TENM4: variants seen among roughly 807,000 people sequenced by gnomAD.
The protein encoded by TENM4 is teneurin-4.
TENM4 carries 82 observed loss-of-function variants against 243.3 expected under a neutral mutation model. The ratio of observed to expected loss-of-function variants is 0.34; its 90% CI spans 0.28 to 0.40. TENM4 has a LOEUF of 0.40. Among genes scored for constraint, TENM4 ranks in the 10% least tolerant of loss-of-function variants. The probability of loss-of-function intolerance (pLI) is 1.00; values close to 1 mark genes in which losing one functional copy is unlikely to be tolerated. For synonymous variants in TENM4, 1,412 were observed against 1,456.3 expected (o/e 0.97, Z 0.69); for missense variants, 3,138 against 3,673.3 (o/e 0.85, Z 3.77).
At chr11:79,263,352 G>C (rs1855830740) in intron 2 of TENM4, among the ~76,000 whole-genome samples, 1 of 152,236 alleles carries the variant, frequency 6.6e-6, no homozygotes, top group African/African-American at 2.4e-5. Flanking sequence ...TGTAAGTCAA[G>C]GGGGAGTCTG....
At chr11:79,104,378 C>T (rs1861309937) in intron 4 of TENM4, among the ~76,000 whole-genome samples, 1 of 152,220 alleles carries the variant, frequency 6.6e-6, no homozygotes, top group Non-Finnish European at 1.5e-5. Flanking sequence ...CATCTTAGCG[C>T]ATAGCTATCC....
intron 15 of TENM4, among the ~76,000 whole-genome samples, chr11:78,799,663 C>T (rs554750998): frequency 6.6e-6 from 1 of 152,358 alleles, no homozygotes; most frequent in South Asian, 2.1e-4. Flanking sequence ...AAATTTCATG[C>T]AATTCTTGCT....
At chr11:79,231,559 T>C (rs931870236) in intron 2 of TENM4, among the ~76,000 whole-genome samples, 2 of 152,176 alleles carry the variant, frequency 1.3e-5, no homozygotes, top group African/African-American at 4.8e-5. Flanking sequence ...ATCCAGGGCA[T>C]CTACTTTCTG....
chr11:78,657,321 T>G lies in TENM4; in HGVS notation c.*737A>C. 9 of 397,400 alleles carry G rather than the reference T, an allele frequency of 2.3e-5. No homozygotes were observed. The highest frequency in any genetic ancestry group is 3.6e-5 in the East Asian group (1 of 28,002). 24.6% of individuals were successfully genotyped at this position (397,400 alleles called of 1,614,324 possible). A position where few individuals can be genotyped will look rare whatever the true frequency, so the allele number is the denominator to read the frequency against. On this transcript the variant is annotated 3_prime_UTR_variant, in exon 34 of 34. Transcript: ENST00000278550. ...GAAAGGACCTGGGAGACACTTTCTCTATCCCAGCATGGGGGTGGCACCGAC... is the reference window on the plus strand; with the variant it reads ...GAAAGGACCTGGGAGACACTTTCTCGATCCCAGCATGGGGGTGGCACCGAC...
intron 6 of TENM4, among the ~76,000 whole-genome samples, chr11:78,908,950 C>T (rs1310219000): frequency 6.6e-6 from 1 of 152,174 alleles, no homozygotes; most frequent in African/African-American, 2.4e-5. Context: ...GTTGGGAGGA[C>T]AGCTGGCAAA....
intron 3 of TENM4, among the ~76,000 whole-genome samples, chr11:79,185,642 G>A (rs1007208529): frequency 1.3e-5 from 2 of 152,126 alleles, no homozygotes; most frequent in Admixed American, 1.3e-4. Flanking sequence ...CTTTCACATT[G>A]CTTGGACCAC....
chr11:79,312,102 A>G (rs1484658834), intron 1 of TENM4, among the ~76,000 whole-genome samples: 1 of 152,152 alleles, frequency 6.6e-6, no homozygotes, highest in Admixed American at 6.5e-5. Context: ...TCCCTCCTCC[A>G]GGAAGCTTCC....
chr11:79,215,896 G>A lies in TENM4; in HGVS notation c.-251C>T. The A allele has an allele frequency of 1.0e-6, 1 of 980,114 alleles. No individual in the cohort carries two copies. Among genetic ancestry groups the A allele is most frequent in the Non-Finnish European group, 1.2e-6 (1 of 824,728 alleles). The allele number at this position is 980,114 out of a possible 1,614,324, so 60.7% of individuals were successfully genotyped here. ...CAAGGCCATTGGATCCTGGAGGATG[G>A]TGCGGGATCTTTTCTGTTGAAGCAG... On this transcript the variant is annotated 5_prime_UTR_variant, in exon 3 of 34. Coordinates refer to ENST00000278550, the MANE Select transcript of TENM4 (RefSeq NM_001098816.3).
chr11:79,262,968 C>T (rs1368283583), intron 2 of TENM4, among the ~76,000 whole-genome samples: 1 of 152,238 alleles, frequency 6.6e-6, no homozygotes, highest in Non-Finnish European at 1.5e-5. Context: ...AACACCTTTG[C>T]TGAAAGCTCA....
intron 4 of TENM4, among the ~76,000 whole-genome samples, chr11:79,126,921 C>G (rs898646532): frequency 6.6e-6 from 1 of 152,190 alleles, no homozygotes; most frequent in Non-Finnish European, 1.5e-5. Flanking sequence ...GACTACTGGA[C>G]ACTGGCTCTG....
chr11:79,129,169 A>G (rs1452873697), intron 4 of TENM4, among the ~76,000 whole-genome samples: 1 of 152,132 alleles, frequency 6.6e-6, no homozygotes, highest in Non-Finnish European at 1.5e-5. Context: ...CAATTTAGAG[A>G]GCTGAGCAAA....
chr11:79,292,422 T>C (rs924155035), intron 2 of TENM4, among the ~76,000 whole-genome samples: 1 of 152,234 alleles, frequency 6.6e-6, no homozygotes, highest in African/African-American at 2.4e-5. Context: ...GTCTTACAAA[T>C]TGGGTTTGTT....
At chr11:78,911,633 C>A (rs929324610) in intron 6 of TENM4, among the ~76,000 whole-genome samples, 2 of 152,114 alleles carry the variant, frequency 1.3e-5, no homozygotes, top group African/African-American at 4.8e-5. Flanking sequence ...TGAGACAAAA[C>A]CATCAGGGTG....
intron 12 of TENM4, among the ~76,000 whole-genome samples, chr11:78,824,845 T>A (rs529563289): frequency 6.6e-6 from 1 of 152,318 alleles, no homozygotes; most frequent in South Asian, 2.1e-4. Flanking sequence ...ATCTAAACTA[T>A]ATCACATGCT....
intron 12 of TENM4, among the ~76,000 whole-genome samples, chr11:78,841,176 T>C (rs974011794): frequency 1.3e-5 from 2 of 152,200 alleles, no homozygotes; most frequent in African/African-American, 4.8e-5. Context: ...ACTAATATTA[T>C]TGTCATTTTT....
chr11:79,330,104 A>G (rs1319715456), intron 1 of TENM4, among the ~76,000 whole-genome samples: 2 of 152,210 alleles, frequency 1.3e-5, no homozygotes, highest in Non-Finnish European at 2.9e-5. Context: ...GCCTATTTCC[A>G]TGGTATAAAC....
chr11:79,153,151 GGTTTT>G (rs1163741301), intron 3 of TENM4, among the ~76,000 whole-genome samples: 1 of 152,196 alleles, frequency 6.6e-6, no homozygotes, highest in Admixed American at 6.5e-5. Flanking sequence ...CCTGTGCTCA[GGTTTT>G]GGTTTGTTAT....
intron 4 of TENM4, among the ~76,000 whole-genome samples, 160 bp downstream of exon 4, chr11:79,148,549 CT>C (rs1414694444): frequency 1.3e-5 from 2 of 151,950 alleles, no homozygotes; most frequent in East Asian, 3.9e-4. Flanking sequence ...TAATCCTGCA[CT>C]CTTTGTTCAT....
At chr11:79,300,242 G>A (rs954062321) in intron 1 of TENM4, among the ~76,000 whole-genome samples, 7 of 152,140 alleles carry the variant, frequency 4.6e-5, no homozygotes, top group African/African-American at 1.7e-4. Context: ...TTCCTTTTAA[G>A]CTTTTTTGTA....
Sources: allele counts gnomAD v4.1 joint callset (sites outside exome capture counted in the v4.1 genomes callset), GRCh38; gene constraint gnomAD v4.1.1; transcripts MANE v1.5; gene names NCBI Gene and HGNC (gene_info 2026-07-23, HGNC 2026-07-21).